The following NEK1 variants were observed in gnomAD, a reference collection of about 807,000 sequenced individuals.
NEK1 encodes serine/threonine-protein kinase Nek1.
Under a neutral mutation model 182.1 loss-of-function variants are expected in NEK1, and 137 were observed. The ratio of observed to expected loss-of-function variants is 0.75; its 90% confidence interval spans 0.65 to 0.87. The LOEUF (loss-of-function observed/expected upper bound fraction) is 0.87. Ranked by LOEUF, NEK1 falls within the 40% of genes least tolerant of loss-of-function variation. NEK1 has a pLI of 0.00. For synonymous variants in NEK1, 513 were observed against 492.2 expected, an observed-to-expected ratio of 1.04 and a Z score of -0.56; for missense variants, 1,391 against 1,494.4, an observed-to-expected ratio of 0.93 and a Z score of 1.14.
chr4:169,579,633 C>CA (rs1251799361), intron 11 of NEK1, among the ~76,000 whole-genome samples: 1 of 151,992 alleles, frequency 6.6e-6, no homozygotes, highest in Admixed American at 6.6e-5. Context: ...TACTAAAATA[C>CA]AAAAAATTAG....
At chr4:169,488,126 C>T (rs1749379395) in intron 23 of NEK1, among the ~76,000 whole-genome samples, 1 of 152,106 alleles carries the variant, frequency 6.6e-6, no homozygotes, top group Non-Finnish European at 1.5e-5. Flanking sequence ...TGTAGGTTGT[C>T]TGTTCACTCT....
At chr4:169,467,392 G>A (rs1745127905) in intron 26 of NEK1, among the ~76,000 whole-genome samples, 2 of 152,012 alleles carry the variant, frequency 1.3e-5, no homozygotes, top group Non-Finnish European at 2.9e-5. Context: ...ATTGAAGATA[G>A]GCTGTGCTAA....
At chr4:169,558,441 G>A (rs1055471988) in intron 16 of NEK1, among the ~76,000 whole-genome samples, 5 of 152,046 alleles carry the variant, frequency 3.3e-5, no homozygotes, top group Non-Finnish European at 5.9e-5. Context: ...GTAAATGCTC[G>A]CACTGTCAGC....
At chr4:169,546,610 A>G (rs1240329421) in intron 18 of NEK1, among the ~76,000 whole-genome samples, 1 of 152,154 alleles carries the variant, frequency 6.6e-6, no homozygotes, top group African/African-American at 2.4e-5. Context: ...GTGGGAGTCT[A>G]TGTCTCTTTT....
At chr4:169,478,247 T>C (rs746461794) in intron 24 of NEK1, 15 of 152,056 alleles carry the variant, frequency 9.9e-5, no homozygotes, top group South Asian at 2.1e-4. Flanking sequence ...AGAAAACCGT[T>C]CAGTTATATG....
At chr4:169,462,489 T>C (rs1744151301) in intron 27 of NEK1, among the ~76,000 whole-genome samples, 1 of 152,168 alleles carries the variant, frequency 6.6e-6, no homozygotes, top group South Asian at 2.1e-4. Context: ...AACATGTGTA[T>C]AGGTTCGTTT....
chr4:169,539,202 T>G (rs1380431795), intron 18 of NEK1, among the ~76,000 whole-genome samples: 1 of 152,136 alleles, frequency 6.6e-6, no homozygotes, highest in East Asian at 1.9e-4. Flanking sequence ...TTAGCTTGAG[T>G]AGGCTGAACA....
chr4:169,527,989 T>C (rs1420884205), intron 19 of NEK1, among the ~76,000 whole-genome samples: 1 of 152,016 alleles, frequency 6.6e-6, no homozygotes, highest in Non-Finnish European at 1.5e-5. Context: ...GGAAACAAGA[T>C]ATACCACACA....
chr4:169,609,560 T>C (rs1056136343), intron 2 of NEK1, among the ~76,000 whole-genome samples: 4 of 152,074 alleles, frequency 2.6e-5, no homozygotes, highest in Non-Finnish European at 4.4e-5. Context: ...TAAAAGGAAA[T>C]ACATAAGTAT....
At chr4:169,548,720 C>T (rs868311037) in intron 18 of NEK1, among the ~76,000 whole-genome samples, 3 of 152,182 alleles carry the variant, frequency 2.0e-5, no homozygotes, top group South Asian at 2.1e-4. Context: ...TGATGAGCTG[C>T]GGTGGGCTCC....
At chr4:169,423,090 G>A (rs936998429) in intron 31 of NEK1, among the ~76,000 whole-genome samples, 1 of 152,050 alleles carries the variant, frequency 6.6e-6, no homozygotes, top group Non-Finnish European at 1.5e-5. Flanking sequence ...AAATTAAATT[G>A]AAAATCAAAG....
chr4:169,401,603 A>G, intron 33 of NEK1, 49 bp downstream of exon 33: 1 of 1,532,094 alleles, frequency 6.5e-7, no homozygotes. Flanking sequence ...CTCTACTTGA[A>G]ATATTTGTAA....
intron 31 of NEK1, 109 bp downstream of exon 31, chr4:169,424,444 G>T: frequency 1.6e-6 from 2 of 1,265,472 alleles, no homozygotes; most frequent in Non-Finnish European, 2.1e-6. Context: ...TTGGATGTGT[G>T]TTTGTGTCTG....
chr4:169,441,446 G>A (rs1033455598), intron 27 of NEK1, among the ~76,000 whole-genome samples: 8 of 152,224 alleles, frequency 5.3e-5, no homozygotes, highest in African/African-American at 1.2e-4. Flanking sequence ...CACCATGCCT[G>A]CTGATGCAGG....
At chr4:169,439,599 C>T (rs1268592096) in intron 27 of NEK1, among the ~76,000 whole-genome samples, 2 of 152,062 alleles carry the variant, frequency 1.3e-5, no homozygotes, top group East Asian at 1.9e-4. Flanking sequence ...GATACCATAT[C>T]GCATTATTAT....
intron 28 of NEK1, 37 bp downstream of exon 28, chr4:169,438,046 A>T (rs1207046490): frequency 6.7e-7 from 1 of 1,498,124 alleles, no homozygotes; most frequent in Non-Finnish European, 9.0e-7. Context: ...GTTTTTACTA[A>T]ATCAAATATA....
intron 23 of NEK1, among the ~76,000 whole-genome samples, chr4:169,498,514 A>T (rs1037890794): frequency 1.3e-5 from 2 of 152,090 alleles, no homozygotes; most frequent in Admixed American, 6.6e-5. Flanking sequence ...GGTCTTTACA[A>T]TTTGGCATGT....
intron 29 of NEK1, among the ~76,000 whole-genome samples, chr4:169,432,931 G>A (rs1737708861): frequency 6.6e-6 from 1 of 152,142 alleles, no homozygotes; most frequent in Non-Finnish European, 1.5e-5. Flanking sequence ...CCGCCGCCAT[G>A]CCTGGCTAAT....
intron 27 of NEK1, among the ~76,000 whole-genome samples, chr4:169,453,207 G>A (rs993268920): frequency 6.6e-6 from 1 of 152,198 alleles, no homozygotes; most frequent in Non-Finnish European, 1.5e-5. Context: ...TGGATAGGAA[G>A]AATCAATATC....
Sources: gnomAD v4.1 joint callset for allele counts (sites outside exome capture counted in the v4.1 genomes callset) on GRCh38, gnomAD v4.1.1 for gene constraint, MANE v1.5 for transcripts, NCBI Gene and HGNC (gene_info 2026-07-23, HGNC 2026-07-21) for gene names.